Variants in EFCAB5 observed in about 807,000 individuals in gnomAD.
EFCAB5 encodes the protein EF-hand calcium binding domain 5, also known as EF-hand calcium-binding domain-containing protein 5.
A neutral mutation model predicts 167.9 loss-of-function variants in EFCAB5; 131 were observed. The observed-to-expected ratio is 0.78, with a 90% CI of 0.68 to 0.90. EFCAB5 has a LOEUF of 0.90. Among genes scored for constraint, EFCAB5 ranks in the 40% least tolerant of loss-of-function variants. The pLI is 0.00. For synonymous variants in EFCAB5, 574 were observed against 602.8 expected (o/e 0.95, Z 0.70); for missense variants, 1,663 against 1,745.2 (o/e 0.95, Z 0.84).
rs781437144 is a variant in EFCAB5 at position 30,057,684 on chromosome 17, T to C, written c.2374T>C (p.Ser792Pro). The change falls in exon 13 of 23, where the codon TCA becomes CCA. Residue 792 changes from serine to proline, a missense_variant. By Grantham distance (74) the Ser-to-Pro change is moderately conservative (BLOSUM62 -1). Transcript: ENST00000394835. ...TGTTTCTTGCTTGACAGATTTACAC[T>C]CAATTATCAGAAATATTCAGTCTTG... is the stretch of plus-strand genomic sequence containing the variant. ...YGNSRFTDLH[S>P]IIRNIQSCKE... 3.7e-6 allele frequency: 6 copies of C among 1,612,310 alleles called. No homozygotes were observed. The highest frequency in any genetic ancestry group is 5.1e-6 in the Non-Finnish European group (6 of 1,178,730).
In EFCAB5 at chr17:29,993,053, A is replaced by C; in HGVS notation, c.768-112A>C. ...ACTACAGGCCTGAATCAAAGATTTTATGGAGAAAAGACAGGCAAACATTTT... is the reference window on the plus strand; with the variant it reads ...ACTACAGGCCTGAATCAAAGATTTTCTGGAGAAAAGACAGGCAAACATTTT... On this transcript the variant is annotated intron_variant, in intron 4 of 22. Transcript: ENST00000394835. 2 of 1,133,586 alleles carry C rather than the reference A, an allele frequency of 1.8e-6. 1 individual carries two copies. Among genetic ancestry groups the C allele is most frequent in the South Asian group, 4.2e-5 (2 of 48,178 alleles). The allele number at this position is 1,133,586 out of a possible 1,614,324, so 70.2% of individuals were successfully genotyped here. A position where few individuals can be genotyped will look rare whatever the true frequency, so the allele number is the denominator to read the frequency against.
At chr17:30,054,194 A>C in intron 10 of EFCAB5, 46 bp downstream of exon 10, 2 of 1,467,300 alleles carry the variant, frequency 1.4e-6, no homozygotes, top group Non-Finnish European at 1.8e-6. Context: ...GTTTTGTGGA[A>C]TGGTTTTTAA....
intron 4 of EFCAB5, among the ~76,000 whole-genome samples, chr17:29,983,206 G>C (rs552798864): frequency 6.6e-6 from 1 of 152,154 alleles, no homozygotes; most frequent in African/African-American, 2.4e-5. Context: ...CAAAAGTGAT[G>C]ACCTCAATCA....
chr17:29,937,781 T>C (rs115338501), upstream of EFCAB5, among the ~76,000 whole-genome samples: 843 of 152,298 alleles, frequency 5.5e-3, 7 homozygotes, highest in African/African-American at 0.019. Context: ...ACCACTGTGA[T>C]TCAAACTTGA....
chr17:29,947,294 C>A (rs2067422348), intron 3 of EFCAB5, among the ~76,000 whole-genome samples: 1 of 151,990 alleles, frequency 6.6e-6, no homozygotes, highest in African/African-American at 2.4e-5. Flanking sequence ...GGCCATTATT[C>A]TAAGTGAAGT....
At chr17:30,028,417 T>C (rs1398226519) in intron 7 of EFCAB5, among the ~76,000 whole-genome samples, 2 of 152,226 alleles carry the variant, frequency 1.3e-5, no homozygotes, top group Non-Finnish European at 2.9e-5. Context: ...TTTTGTTTTT[T>C]ATGTGCTTTG....
chr17:30,065,035 C>A (rs1680585854), intron 14 of EFCAB5, among the ~76,000 whole-genome samples: 1 of 152,170 alleles, frequency 6.6e-6, no homozygotes, highest in Non-Finnish European at 1.5e-5. Context: ...GAAATTATCA[C>A]CACTAAACCG....
Position 30,097,056 on chromosome 17 carries a change from ATATATT to A in EFCAB5, c.4321+4122_4321+4127del, listed in dbSNP as rs1567777514. On this transcript the variant is annotated intron_variant, in intron 22 of 22. Coordinates refer to ENST00000394835, the MANE Select transcript of EFCAB5 (RefSeq NM_198529.4). ...CATATACATATACATATACATATAT[ATATATT>A]TTTTTTTTTTTGAGATGGAGTTTCG... 2.8e-4 allele frequency among the ~76,000 whole-genome samples: 28 copies of A among 100,580 alleles called. 1 individual carries two copies. Among genetic ancestry groups the A allele is most frequent in the African/African-American group, 9.6e-4 (20 of 20,916 alleles). The allele number at this position is 100,580 out of a possible 152,430, so 66.0% of individuals were successfully genotyped here.
chr17:30,107,949 TACAC>T lies in EFCAB5; in HGVS notation c.4438_4441del (p.Thr1480LeufsTer27). On this transcript the variant is annotated frameshift_variant, in exon 23 of 23. Transcript: ENST00000394835. LOFTEE classifies it high-confidence loss of function. ...TAACCAAACAACTAAATAGTGGTAT[TACAC>T]CTCCGTTGCCCTCCAAGACTGACAA... The T allele has an allele frequency of 6.2e-7, 1 of 1,611,872 alleles. No individual in the cohort carries two copies. Among genetic ancestry groups the T allele is most frequent in the South Asian group, 1.1e-5 (1 of 90,592 alleles).
intron 3 of EFCAB5, among the ~76,000 whole-genome samples, chr17:29,962,384 A>G (rs918116935): frequency 2.6e-5 from 4 of 152,108 alleles, no homozygotes; most frequent in Admixed American, 6.5e-5. Flanking sequence ...TTTTTAGCAT[A>G]TATCTTTCAC....
At chr17:30,037,479 AG>A (rs892532846) in intron 8 of EFCAB5, among the ~76,000 whole-genome samples, 10 of 152,218 alleles carry the variant, frequency 6.6e-5, no homozygotes, top group African/African-American at 2.2e-4. Context: ...CTCTGATGGC[AG>A]GACTCTATAT....
intron 22 of EFCAB5, among the ~76,000 whole-genome samples, chr17:30,093,299 A>G (rs1457808715): frequency 6.6e-6 from 1 of 152,242 alleles, no homozygotes; most frequent in Non-Finnish European, 1.5e-5. Context: ...AGAATCACCA[A>G]GAATGGAGAG....
rs1214442159 is a variant in EFCAB5, at chr17:30,083,004, C to A, written c.3540C>A (p.Thr1180=). The A allele has an allele frequency of 6.2e-7, 1 of 1,614,002 alleles. No individual in the cohort carries two copies. Among genetic ancestry groups the A allele is most frequent in the Admixed American group, 1.7e-5 (1 of 60,022 alleles). ...TTTATGACGTCACATCCAGCATCACCTCCATCACTACGTACTTTGTAGAGC... is the reference window on the plus strand; with the variant it reads ...TTTATGACGTCACATCCAGCATCACATCCATCACTACGTACTTTGTAGAGC... The part of the protein sequence containing the change: ...GWLYDVTSSI[T]SITTYFVEPS... The change falls in exon 18 of 23, where the codon ACC becomes ACA. Residue 1180 remains threonine, a synonymous_variant. Coordinates refer to ENST00000394835, the MANE Select transcript of EFCAB5 (RefSeq NM_198529.4).
chr17:29,930,292 G>A (rs1482424416), intron 1 of EFCAB5: 8 of 474,952 alleles, frequency 1.7e-5, no homozygotes, highest in Non-Finnish European at 3.0e-5. Context: ...GCGCGCCGCC[G>A]CCTGGTCGTA....
intron 3 of EFCAB5, among the ~76,000 whole-genome samples, chr17:29,962,302 T>C (rs2067735585): frequency 6.6e-6 from 1 of 152,232 alleles, no homozygotes; most frequent in African/African-American, 2.4e-5. Flanking sequence ...TGTAAAGTAT[T>C]CCTATCTATG....
At chr17:29,993,375 C>A (rs1472890001) in intron 5 of EFCAB5, 54 bp downstream of exon 5, 4 of 1,556,698 alleles carry the variant, frequency 2.6e-6, no homozygotes, top group Non-Finnish European at 3.5e-6. Context: ...GGTAAAAGGG[C>A]AATTGCTAGA....
chr17:29,994,637 G>A (rs1347606695), intron 5 of EFCAB5, among the ~76,000 whole-genome samples: 2 of 152,150 alleles, frequency 1.3e-5, no homozygotes, highest in South Asian at 2.1e-4. Context: ...CAGGCTGGGC[G>A]CCATGGCTCA....
At chr17:30,069,647 G>A in intron 14 of EFCAB5, 1 of 1,590,548 alleles carries the variant, frequency 6.3e-7, no homozygotes, top group Admixed American at 1.7e-5. Flanking sequence ...TGGGCCACGG[G>A]GGCCCAGCAC....
rs1409703926 is a variant in EFCAB5, at chr17:29,969,065, T to A, written c.465T>A (p.Asn155Lys). 4 of 1,610,480 alleles carry A rather than the reference T, an allele frequency of 2.5e-6. No homozygotes were observed. The African/African-American group carries it at 4.0e-5, about 16-fold the overall frequency. ...KKAEKKLPRD[N>K]LAKEWFNTDS... is the part of the protein sequence containing the mutation. ...CTGAAAAAAAACTCCCTAGGGATAA[T>A]TTGGCCAAAGAGTGGTTTAATACTG... Residue 155 changes from asparagine (N) to lysine (K), a missense_variant, in exon 4 of 23, where the codon AAT (asparagine) becomes AAA (lysine). Transcript: ENST00000394835.
Sources: allele counts gnomAD v4.1 joint callset (sites outside exome capture counted in the v4.1 genomes callset), GRCh38; gene constraint gnomAD v4.1.1; transcripts MANE v1.5; gene names NCBI Gene and HGNC (gene_info 2026-07-23, HGNC 2026-07-21).